GRHL2: variants seen among roughly 807,000 people sequenced by gnomAD.
The protein encoded by GRHL2 is grainyhead-like protein 2 homolog.
In GRHL2, 21 loss-of-function variants were observed where a neutral mutation model predicts 83.8. That is an observed-to-expected ratio of 0.25 (90% confidence interval 0.18 to 0.36). The LOEUF (loss-of-function observed/expected upper bound fraction) is 0.36. GRHL2 is among the 10% of genes least tolerant of loss of function. The pLI is 1.00. For synonymous variants in GRHL2, 280 were observed against 278.9 expected (o/e 1.00, Z -0.04); for missense variants, 623 against 781.8 (o/e 0.80, Z 2.42).
At chr8:101,675,013 T>C in the GRHL2 span, among the ~76,000 whole-genome samples, 14 of 152,108 alleles carry the variant, frequency 9.2e-5, 1 homozygote, top group Non-Finnish European at 2.1e-4. Flanking sequence ...CAACAACCCT[T>C]CATGCTAAAA....
chr8:101,648,269 G>A (rs1293415966), intron 13 of GRHL2, among the ~76,000 whole-genome samples: 5 of 152,142 alleles, frequency 3.3e-5, no homozygotes, highest in Admixed American at 3.3e-4. Context: ...GGACCCTGGG[G>A]GAGTGTCTCA....
chr8:101,650,880 G>A (rs866894069), intron 14 of GRHL2, among the ~76,000 whole-genome samples: 2 of 151,852 alleles, frequency 1.3e-5, no homozygotes, highest in Non-Finnish European at 2.9e-5. Context: ...ATGTCATCAC[G>A]CTGCCCTCTG....
rs576408861 is a variant in GRHL2 at position 101,666,664 on chromosome 8, C to A, written c.1839C>A (p.Ser613Arg). ...NEDTFILNME[S>R]MVEGFKVTLM... Reference sequence around the variant, plus strand: ...ACACCTTCATCCTCAACATGGAGAGCATGGTGGAGGGCTTCAAGGTCACGC... The same window carrying A: ...ACACCTTCATCCTCAACATGGAGAGAATGGTGGAGGGCTTCAAGGTCACGC... Residue 613 changes from serine to arginine, a missense_variant, in exon 16 of 16, where the codon AGC becomes AGA. This residue lies in a region of GRHL2 where 210 missense variants were observed against 254.8 expected (regional missense o/e 0.82). Transcript: ENST00000646743. 3 of 1,613,374 alleles carry A rather than the reference C, an allele frequency of 1.9e-6. No individual in the cohort carries two copies. In the South Asian group the frequency reaches 3.3e-5, roughly 18 times the overall value.
At chr8:101,526,486 T>G (rs1163715704) in intron 1 of GRHL2, among the ~76,000 whole-genome samples, 1 of 151,620 alleles carries the variant, frequency 6.6e-6, no homozygotes, top group Non-Finnish European at 1.5e-5. Context: ...AAGTTATCAG[T>G]AGTGGTGGAT....
chr8:101,622,127 G>A (rs1812978988), intron 9 of GRHL2, among the ~76,000 whole-genome samples: 1 of 151,878 alleles, frequency 6.6e-6, no homozygotes, highest in Non-Finnish European at 1.5e-5. Flanking sequence ...ATATTCTTTG[G>A]GCATCTAAGT....
chr8:101,528,592 G>A (rs1199362585), intron 1 of GRHL2: 1 of 168,216 alleles, frequency 5.9e-6, no homozygotes, highest in Non-Finnish European at 1.3e-5. Context: ...GTGCATTTAG[G>A]TATATTTGTG....
At chr8:101,597,383 A>G (rs1255787085) in intron 7 of GRHL2, among the ~76,000 whole-genome samples, 2 of 152,160 alleles carry the variant, frequency 1.3e-5, no homozygotes, top group Non-Finnish European at 2.9e-5. Flanking sequence ...ATGCACACGT[A>G]TGTTTATTGC....
intron 1 of GRHL2, among the ~76,000 whole-genome samples, chr8:101,523,018 T>C (rs1178685308): frequency 1.3e-5 from 2 of 151,906 alleles, no homozygotes; most frequent in African/African-American, 4.8e-5. Flanking sequence ...CAAGTGATTC[T>C]CGTGTCTCAG....
chr8:101,644,053 C>G (rs1813457936), intron 12 of GRHL2, 78 bp from the exon 13 acceptor site: 9 of 1,267,662 alleles, frequency 7.1e-6, no homozygotes, highest in Non-Finnish European at 1.0e-5. Context: ...AAGGGAAAGA[C>G]AGAAACGGAC....
intron 1 of GRHL2, chr8:101,528,742 C>T: frequency 3.7e-6 from 1 of 268,734 alleles, no homozygotes; most frequent in Admixed American, 4.2e-5. Flanking sequence ...TCCAGCTGAA[C>T]CAGTGATAAT....
intron 1 of GRHL2, among the ~76,000 whole-genome samples, chr8:101,500,310 C>G (rs1170937733): frequency 6.6e-6 from 1 of 152,156 alleles, no homozygotes; most frequent in Non-Finnish European, 1.5e-5. Flanking sequence ...GATAGCTTCA[C>G]TGGTCTTCAA....
intron 9 of GRHL2, among the ~76,000 whole-genome samples, chr8:101,622,984 A>G (rs1040594506): frequency 6.6e-6 from 1 of 152,200 alleles, no homozygotes; most frequent in Non-Finnish European, 1.5e-5. Flanking sequence ...ATAGTCTCCA[A>G]TCTTATCCAG....
intron 1 of GRHL2, among the ~76,000 whole-genome samples, chr8:101,494,151 G>C (rs1810043803): frequency 6.6e-6 from 1 of 152,214 alleles, no homozygotes; most frequent in African/African-American, 2.4e-5. Flanking sequence ...GAGGGCCGGT[G>C]CCCCAAGGCC....
chr8:101,616,975 G>A (rs75503013), intron 8 of GRHL2, among the ~76,000 whole-genome samples: 21 of 152,184 alleles, frequency 1.4e-4, no homozygotes, highest in Admixed American at 4.6e-4. Context: ...TGATGTTATG[G>A]AATACATGTA....
At chr8:101,561,006 T>C (rs548337254) in intron 4 of GRHL2, among the ~76,000 whole-genome samples, 6 of 111,692 alleles carry the variant, frequency 5.4e-5, no homozygotes, top group African/African-American at 1.3e-4. Flanking sequence ...TTATTAATGT[T>C]GTCTTTTATA....
Position 101,632,292 on chromosome 8 carries a change from T to C in GRHL2, c.1412T>C (p.Met471Thr), listed in dbSNP as rs1296085454. 6.2e-7 allele frequency: 1 copy of C among 1,614,062 alleles called. No individual in the cohort carries two copies. Among genetic ancestry groups the C allele is most frequent in the South Asian group, 1.1e-5 (1 of 91,086 alleles). Residue 471 changes from methionine to threonine, a missense_variant, in exon 11 of 16, where the codon ATG (methionine) becomes ACG (threonine). Met to Thr is a moderately conservative substitution (Grantham distance 81). Around this residue, in one of 8 missense-constraint regions of GRHL2, gnomAD observed 210 missense variants for 254.8 expected, o/e 0.82. Coordinates refer to ENST00000646743, the MANE Select transcript of GRHL2 (RefSeq NM_024915.4). The part of the protein sequence containing the change: ...KKSDITYFKT[M>T]PDLHSQPVLF... ...AGTGACATCACCTACTTCAAAACCA[T>C]GCCTGATCTCCACTCACAGCCAGTT...
the GRHL2 span, among the ~76,000 whole-genome samples, chr8:101,677,487 C>A: frequency 6.7e-6 from 1 of 149,616 alleles, no homozygotes. Flanking sequence ...CCACTAAACA[C>A]TGAACAGGAA....
intron 1 of GRHL2, among the ~76,000 whole-genome samples, chr8:101,509,191 C>CTTTCTTTCTT (rs1455850315): frequency 2.3e-5 from 1 of 43,070 alleles, no homozygotes; most frequent in Non-Finnish European, 6.1e-5. Flanking sequence ...TTTCTTTTCT[C>CTTTCTTTCTT]TCTTTCTTTC....
At chr8:101,531,148 G>A (rs956677953) in intron 1 of GRHL2, among the ~76,000 whole-genome samples, 6 of 150,530 alleles carry the variant, frequency 4.0e-5, no homozygotes, top group African/African-American at 1.5e-4. Flanking sequence ...GGAGGTTCAG[G>A]TTGCAGTGAG....
Sources: allele counts gnomAD v4.1 joint callset (sites outside exome capture counted in the v4.1 genomes callset), GRCh38; gene constraint gnomAD v4.1.1; regional missense constraint gnomAD v4.1.1; transcripts MANE v1.5; gene names NCBI Gene and HGNC (gene_info 2026-07-23, HGNC 2026-07-21).